The following ABCB9 variants were observed in gnomAD, a reference collection of about 807,000 sequenced individuals.
ABCB9 encodes ABC-type oligopeptide transporter ABCB9.
Under a neutral mutation model 62.0 loss-of-function variants are expected in ABCB9, and 36 were observed. The ratio of observed to expected loss-of-function variants is 0.58; its 90% confidence interval spans 0.45 to 0.77. ABCB9 has a LOEUF of 0.77. Ranked by LOEUF, ABCB9 falls within the 30% of genes least tolerant of loss-of-function variation. The pLI is 0.00. For missense variants in ABCB9, 943 were observed against 1,054.7 expected, an observed-to-expected ratio of 0.89 and a Z score of 1.47; for synonymous variants, 435 against 461.4, an observed-to-expected ratio of 0.94 and a Z score of 0.73.
rs2036784812 is a variant in ABCB9 at position 122,959,658 on chromosome 12, A to G, written c.578T>C (p.Phe193Ser). ...ACCCAGAGCTGCCACGATGAGGAAG[A>G]AGGAGGCGGCCACGAGGAAGGCCAC... ...PDVAFLVAAS[F>S]FLIVAALGET... The change falls in exon 2 of 12, where the codon TTC (phenylalanine) becomes TCC (serine). Residue 193 changes from phenylalanine to serine, a missense_variant. Coordinates refer to ENST00000280560, the MANE Select transcript of ABCB9 (RefSeq NM_019625.4). This position sits in a 1 kb window ranked among gnomAD's most constrained non-coding sequence, Gnocchi z 5.4. The G allele has an allele frequency of 6.4e-7, 1 of 1,570,882 alleles. No individual in the cohort carries two copies. Among genetic ancestry groups the G allele is most frequent in the Non-Finnish European group, 8.7e-7 (1 of 1,153,654 alleles).
At chr12:122,946,831 T>G (rs1391402187) in intron 5 of ABCB9, among the ~76,000 whole-genome samples, 1 of 152,244 alleles carries the variant, frequency 6.6e-6, no homozygotes, top group African/African-American at 2.4e-5. Flanking sequence ...ATCAGGCTGC[T>G]GTTCACCAGA....
intron 2 of ABCB9, among the ~76,000 whole-genome samples, chr12:122,958,545 G>C (rs574936159): frequency 1.3e-5 from 2 of 152,248 alleles, no homozygotes; most frequent in African/African-American, 4.8e-5. Flanking sequence ...GGTAGAATTA[G>C]AAGTGAAACA....
Position 122,929,137 on chromosome 12 carries a change from G to A in ABCB9, c.*774C>T. On this transcript the variant is annotated 3_prime_UTR_variant, in exon 12 of 12. Transcript: ENST00000280560. The surrounding 1 kb of genome is among the most constrained non-coding windows in gnomAD (Gnocchi z 6.0). ...CTCATGAACATCCACGTGGCCTCCA[G>A]ACAGCAGAGCACAGGGGCGGGTGTG... The A allele has an allele frequency of 1.3e-6, 1 of 787,940 alleles. No homozygotes were observed. Among genetic ancestry groups the A allele is most frequent in the Non-Finnish European group, 1.5e-6 (1 of 653,178 alleles). The allele number at this position is 787,940 out of a possible 1,614,324, so 48.8% of individuals were successfully genotyped here.
rs371581439 is a variant in ABCB9 at position 122,950,672 on chromosome 12, G to A, written c.602-107C>T. On this transcript the variant is annotated intron_variant, in intron 2 of 11. Transcript: ENST00000280560. ...CACCAACCCCTCTGCCCACTCCACC[G>A]GTGGGCTTTCCTCCCTCGGCAAACT... 44 of 903,106 alleles carry A rather than the reference G, an allele frequency of 4.9e-5. No homozygotes were observed. The East Asian group carries it at 7.2e-4, about 15-fold the overall frequency. The allele number at this position is 903,106 out of a possible 1,614,324, so 55.9% of individuals were successfully genotyped here.
intron 9 of ABCB9, among the ~76,000 whole-genome samples, chr12:122,936,147 C>T (rs1052975644): frequency 5.3e-5 from 8 of 152,078 alleles, no homozygotes; most frequent in Admixed American, 1.3e-4. Flanking sequence ...TCTAGGTGTC[C>T]ATAAATGGGG....
chr12:122,954,690 A>G (rs12229119), intron 2 of ABCB9, among the ~76,000 whole-genome samples: 24,180 of 151,658 alleles, frequency 0.16, 5,618 homozygotes, highest in African/African-American at 0.51. Flanking sequence ...ACGGAGTTTC[A>G]CCATGTTGGC....
chr12:122,948,706 A>G lies in ABCB9; in HGVS notation c.971T>C (p.Leu324Pro), dbSNP rs1406761089. ...VTGVVVFMFS[L>P]SWQLSLVTFM... The stretch of plus-strand genomic sequence containing the variant: ...GGTGACCAAGGAGAGCTGCCATGAG[A>G]GGCTGAACATGAAGACCACCACGCC... Residue 324 changes from leucine (L) to proline (P), a missense_variant, in exon 5 of 12, where the codon CTC (leucine) becomes CCC (proline). Transcript: ENST00000280560. The G allele has an allele frequency of 6.2e-7, 1 of 1,613,962 alleles. No individual in the cohort carries two copies. Among genetic ancestry groups the G allele is most frequent in the Non-Finnish European group, 8.5e-7 (1 of 1,179,982 alleles).
chr12:122,940,725 C>A lies in ABCB9; in HGVS notation c.1569+82G>T. 6.9e-7 allele frequency: 1 copy of A among 1,440,536 alleles called. No homozygotes were observed. Among genetic ancestry groups the A allele is most frequent in the East Asian group, 2.5e-5 (1 of 40,636 alleles). The allele number at this position is 1,440,536 out of a possible 1,614,324, so 89.2% of individuals were successfully genotyped here. The stretch of plus-strand genomic sequence containing the variant: ...GCCTGACATATTCCCAGCTGCCCTG[C>A]CACAGCCTGGTGTATAGGAGGTGCA... On this transcript the variant is annotated intron_variant, in intron 8 of 11. Transcript: ENST00000280560. This position sits in a 1 kb window ranked among gnomAD's most constrained non-coding sequence, Gnocchi z 4.8.
In ABCB9 at chr12:122,929,083, C is replaced by G. The variant is rs1453441851; in HGVS notation, c.*828G>C. 1.0e-6 allele frequency: 1 copy of G among 985,940 alleles called. No individual in the cohort carries two copies. The allele number at this position is 985,940 out of a possible 1,614,324, so 61.1% of individuals were successfully genotyped here. On this transcript the variant is annotated 3_prime_UTR_variant, in exon 12 of 12. Coordinates refer to ENST00000280560, the MANE Select transcript of ABCB9 (RefSeq NM_019625.4). The surrounding 1 kb of genome is among the most constrained non-coding windows in gnomAD (Gnocchi z 6.0). ...CCAGATCCTGGGCTTTGCCACCATCCCATCCACCAAAGACAGAAGAGAATG... is the reference window on the plus strand; with the variant it reads ...CCAGATCCTGGGCTTTGCCACCATCGCATCCACCAAAGACAGAAGAGAATG...
intron 6 of ABCB9, among the ~76,000 whole-genome samples, chr12:122,945,087 C>T (rs1042964519): frequency 1.2e-4 from 19 of 152,324 alleles, no homozygotes; most frequent in African/African-American, 3.8e-4. Flanking sequence ...TCTGGACCAC[C>T]GTGCCTTGGT....
intron 1 of ABCB9, among the ~76,000 whole-genome samples, chr12:122,963,195 G>A (rs983439102): frequency 6.6e-6 from 1 of 152,210 alleles, no homozygotes; most frequent in African/African-American, 2.4e-5. Context: ...CAACTCAGGA[G>A]GCTGAGGCAG....
chr12:122,921,378 G>A (rs977987475), intron 11 of ABCB9, among the ~76,000 whole-genome samples: 1 of 152,288 alleles, frequency 6.6e-6, no homozygotes, highest in South Asian at 2.1e-4. Flanking sequence ...TGGCACCACT[G>A]CACTCCAGGC....
At position 122,966,319 on chromosome 12, in the gene ABCB9, G is replaced by C. The variant is rs1465329718; in HGVS notation, c.-120C>G. On this transcript the variant is annotated 5_prime_UTR_variant, in exon 1 of 12. Coordinates refer to ENST00000280560, the MANE Select transcript of ABCB9 (RefSeq NM_019625.4). Reference sequence around the variant, plus strand: ...CTGGCACCAGGTGAGCTCTGGGAGGGGGCGCGCAGCAGGCTCGGGTCTGGG... The same window carrying C: ...CTGGCACCAGGTGAGCTCTGGGAGGCGGCGCGCAGCAGGCTCGGGTCTGGG... 2 of 152,590 alleles carry C rather than the reference G, an allele frequency of 1.3e-5. No individual in the cohort carries two copies. Among genetic ancestry groups the C allele is most frequent in the African/African-American group, 4.8e-5 (2 of 41,474 alleles). The allele number at this position is 152,590 out of a possible 1,614,324, so 9.5% of individuals were successfully genotyped here.
Position 122,964,876 on chromosome 12 carries a change from G to T in ABCB9, c.-88+1411C>A, listed in dbSNP as rs1317815227. Among the ~76,000 whole-genome samples the T allele has an allele frequency of 6.6e-6, 1 of 152,240 alleles. No individual in the cohort carries two copies. The highest frequency in any genetic ancestry group is 1.5e-5 in the Non-Finnish European group (1 of 68,036). The stretch of plus-strand genomic sequence containing the variant: ...TGGCCTTGTCCCCACCAGGGGTCTT[G>T]TCAAAGGCTTTTCTTCCCAGGGTAG... On this transcript the variant is annotated intron_variant, in intron 1 of 11. Transcript: ENST00000280560. The surrounding 1 kb of genome is among the most constrained non-coding windows in gnomAD (Gnocchi z 4.7).
Position 122,932,470 on chromosome 12 carries a change from C to G in ABCB9, c.1904-142G>C, listed in dbSNP as rs749097755. 4 of 1,137,826 alleles carry G rather than the reference C, an allele frequency of 3.5e-6. No homozygotes were observed. Among genetic ancestry groups the G allele is most frequent in the Admixed American group, 2.9e-5 (1 of 34,724 alleles). 70.5% of individuals were successfully genotyped at this position (1,137,826 alleles called of 1,614,324 possible). ...AAAGCTCATGAAATGATGTTCCCCC[C>G]ACCCAACTCATAAGGGGCATGCAGA... is the stretch of plus-strand genomic sequence containing the variant. On this transcript the variant is annotated intron_variant, in intron 10 of 11. Coordinates refer to ENST00000280560, the MANE Select transcript of ABCB9 (RefSeq NM_019625.4). The surrounding 1 kb of genome is among the most constrained non-coding windows in gnomAD (Gnocchi z 4.7).
rs763436577 is a variant in ABCB9 at position 122,935,407 on chromosome 12, C to T, written c.1768G>A (p.Val590Met). The T allele has an allele frequency of 1.2e-5, 20 of 1,613,604 alleles. No homozygotes were observed. The highest frequency in any genetic ancestry group is 1.0e-4 in the Admixed American group (6 of 59,938). ...TCCGTGATGGAGCGGGCGAACAGCA[C>T]GGGCTCCTGGCTCACCAGGGAGATC... ...RVISLVSQEP[V>M]LFARSITDNI... is the part of the protein sequence containing the mutation. The change falls in exon 10 of 12, where the codon GTG becomes ATG. Residue 590 changes from valine to methionine, a missense_variant. Val to Met is a conservative substitution (Grantham distance 21). Coordinates refer to ENST00000280560, the MANE Select transcript of ABCB9 (RefSeq NM_019625.4).
At chr12:122,941,167 G>A (rs1211303582) in intron 7 of ABCB9, among the ~76,000 whole-genome samples, 172 bp from the exon 8 acceptor site, 2 of 152,114 alleles carry the variant, frequency 1.3e-5, no homozygotes, top group African/African-American at 4.8e-5. Context: ...GGGGAGCTGA[G>A]GACAGCAGCA....
chr12:122,926,181 T>C (rs796880242), downstream of ABCB9, among the ~76,000 whole-genome samples: 1 of 152,184 alleles, frequency 6.6e-6, no homozygotes, highest in Non-Finnish European at 1.5e-5. Context: ...TTACACAACA[T>C]CATAAGTGTA....
intron 2 of ABCB9, chr12:122,951,626 C>G (rs2036372365): frequency 6.6e-6 from 1 of 152,172 alleles, no homozygotes; most frequent in African/African-American, 2.4e-5. Flanking sequence ...GTTCAGAGTC[C>G]AAATTCTGGA....
Sources: gnomAD v4.1 joint callset for allele counts (sites outside exome capture counted in the v4.1 genomes callset) on GRCh38, gnomAD v4.1.1 for gene constraint, Gnocchi (gnomAD v3.1) non-coding constraint, MANE v1.5 for transcripts, NCBI Gene and HGNC (gene_info 2026-07-23, HGNC 2026-07-21) for gene names.